RPN1: variants seen among roughly 807,000 people sequenced by gnomAD.
RPN1 encodes the protein dolichyl-diphosphooligosaccharide--protein glycosyltransferase subunit 1.
A neutral mutation model predicts 55.5 loss-of-function variants in RPN1; 12 were observed. That is an observed-to-expected ratio of 0.22 (90% CI 0.14 to 0.35). RPN1 has a LOEUF of 0.35. Ranked by LOEUF, RPN1 falls within the 10% of genes least tolerant of loss-of-function variation. The pLI, the probability that RPN1 is intolerant of heterozygous loss-of-function variation, is 1.00. For synonymous variants in RPN1, 317 were observed against 305.9 expected (o/e 1.04, Z -0.38); for missense variants, 679 against 761.3 (o/e 0.89, Z 1.27).
intron 3 of RPN1, among the ~76,000 whole-genome samples, chr3:128,633,272 C>A (rs2069654180): frequency 6.6e-6 from 1 of 151,274 alleles, no homozygotes; most frequent in Admixed American, 6.6e-5. Context: ...GTCACCCAGG[C>A]TGGAGTACAG....
At chr3:128,635,466 A>G (rs1285094342) in intron 3 of RPN1, among the ~76,000 whole-genome samples, 1 of 151,656 alleles carries the variant, frequency 6.6e-6, no homozygotes, top group Non-Finnish European at 1.5e-5. Context: ...ACACCCAGCT[A>G]ATTTTTGTAT....
chr3:128,631,216 G>A (rs1161306013), intron 4 of RPN1, among the ~76,000 whole-genome samples: 1 of 152,094 alleles, frequency 6.6e-6, no homozygotes, highest in Non-Finnish European at 1.5e-5. Flanking sequence ...GCTCATGCCT[G>A]TAATCCCAGC....
intron 1 of RPN1, among the ~76,000 whole-genome samples, chr3:128,645,319 A>G (rs961100118): frequency 8.5e-5 from 13 of 152,176 alleles, no homozygotes; most frequent in South Asian, 8.3e-4. Flanking sequence ...TAAAAATACA[A>G]ATTAGCTAGG....
At chr3:128,650,438 C>T in intron 1 of RPN1, 102 bp downstream of exon 1, 1 of 1,223,512 alleles carries the variant, frequency 8.2e-7, no homozygotes. Context: ...CGGGTCTCCG[C>T]ATTTCCTGAG....
intron 2 of RPN1, 123 bp from the exon 3 acceptor site, chr3:128,638,228 C>G: frequency 2.9e-6 from 2 of 689,198 alleles, no homozygotes; most frequent in Non-Finnish European, 4.8e-6. Context: ...AAGAGATCAC[C>G]TTTTCCTTTT....
chr3:128,641,609 CTTTTT>C (rs200507415), intron 2 of RPN1, among the ~76,000 whole-genome samples: 3 of 120,386 alleles, frequency 2.5e-5, no homozygotes, highest in African/African-American at 3.1e-5. Flanking sequence ...TTTAGTGAAT[CTTTTT>C]TTTTTTTTTT....
intron 1 of RPN1, among the ~76,000 whole-genome samples, chr3:128,647,385 A>C (rs2069776398): frequency 2.0e-5 from 3 of 152,216 alleles, no homozygotes; most frequent in African/African-American, 7.2e-5. Flanking sequence ...CTTTGACTAG[A>C]ATCTTATCAC....
At chr3:128,644,084 A>C (rs1441684549) in intron 2 of RPN1, among the ~76,000 whole-genome samples, 5 of 152,204 alleles carry the variant, frequency 3.3e-5, no homozygotes, top group African/African-American at 4.8e-5. Context: ...TAGGGGTGAG[A>C]TATCCAGGGG....
intron 2 of RPN1, 147 bp downstream of exon 2, chr3:128,644,772 A>C (rs2069754181): frequency 1.5e-6 from 1 of 649,126 alleles, no homozygotes; most frequent in Admixed American, 2.7e-5. Context: ...CAGCCTGGGC[A>C]ACATAGCTAG....
chr3:128,645,356 G>A (rs1424018407), intron 1 of RPN1, among the ~76,000 whole-genome samples: 1 of 152,014 alleles, frequency 6.6e-6, no homozygotes, highest in Non-Finnish European at 1.5e-5. Context: ...TGTAATCCCA[G>A]CTACTCGGGA....
chr3:128,650,477 G>T, intron 1 of RPN1, 63 bp downstream of exon 1: 4 of 1,455,776 alleles, frequency 2.7e-6, no homozygotes, highest in Non-Finnish European at 3.7e-6. Context: ...GGAGTCGGGG[G>T]ACCGCCAGGA....
At chr3:128,621,687 T>C (rs899728323) in intron 9 of RPN1, among the ~76,000 whole-genome samples, 9 of 152,176 alleles carry the variant, frequency 5.9e-5, no homozygotes, top group Non-Finnish European at 1.2e-4. Context: ...TTTGCATGCA[T>C]TAACTCATTT....
intron 1 of RPN1, among the ~76,000 whole-genome samples, chr3:128,645,839 T>A (rs1013624806): frequency 1.3e-5 from 2 of 151,844 alleles, no homozygotes; most frequent in African/African-American, 2.4e-5. Context: ...AATACACACA[T>A]ACACAAAAAG....
rs768440696 is a variant in RPN1, at chr3:128,637,964, A to C, written c.468T>G (p.Phe156Leu). The stretch of plus-strand genomic sequence containing the variant: ...GAGAGTAGAAATAATGGTTCCCCTC[A>C]AACACCACAAACTGTTTCTCTGACT... ...ITQSEKQFVVFEGNHYFYSPY... is the reference protein window; with the variant it reads ...ITQSEKQFVVLEGNHYFYSPY... Residue 156 changes from phenylalanine to leucine, a missense_variant, in exon 3 of 10, where the codon TTT (phenylalanine) becomes TTG (leucine). Physicochemically the swap from Phe to Leu is conservative, Grantham distance 22. Around this residue, in one of 3 missense-constraint regions of RPN1, gnomAD observed 352 missense variants for 352.8 expected, o/e 1.00. Coordinates refer to ENST00000296255, the MANE Select transcript of RPN1 (RefSeq NM_002950.4). 2.2e-5 allele frequency: 36 copies of C among 1,614,066 alleles called. No individual in the cohort carries two copies. Among genetic ancestry groups the C allele is most frequent in the Admixed American group, 3.3e-5 (2 of 59,996 alleles).
Position 128,632,278 on chromosome 3 carries a change from C to G in RPN1, c.634-121G>C, listed in dbSNP as rs1447789723. On this transcript the variant is annotated intron_variant, in intron 3 of 9. Transcript: ENST00000296255. ...ACAGAACGGGTAAATTATGATGTAT[C>G]TAACGTATGCAACATTTTAAAATTA... is the stretch of plus-strand genomic sequence containing the variant. 1.0e-5 allele frequency: 8 copies of G among 770,764 alleles called. No homozygotes were observed. The East Asian group carries it at 1.1e-4, about 10-fold the overall frequency. 47.7% of individuals were successfully genotyped at this position (770,764 alleles called of 1,614,324 possible).
chr3:128,636,495 AAAAG>A (rs2069683195), intron 3 of RPN1, among the ~76,000 whole-genome samples: 2 of 152,090 alleles, frequency 1.3e-5, no homozygotes, highest in Admixed American at 6.6e-5. Flanking sequence ...CAAAAAAAAA[AAAAG>A]AAACAATTAT....
chr3:128,631,748 A>G (rs2069643521), intron 4 of RPN1, among the ~76,000 whole-genome samples, 200 bp downstream of exon 4: 1 of 152,232 alleles, frequency 6.6e-6, no homozygotes, highest in South Asian at 2.1e-4. Flanking sequence ...TCTCAAAGAA[A>G]AAAAAGAAAA....
chr3:128,621,239 C>T (rs143968764), intron 9 of RPN1, among the ~76,000 whole-genome samples: 2 of 152,172 alleles, frequency 1.3e-5, no homozygotes, highest in East Asian at 1.9e-4. Context: ...GGGCCAGACA[C>T]GGTGGCTCAC....
intron 4 of RPN1, among the ~76,000 whole-genome samples, chr3:128,631,427 G>A (rs1241160766): frequency 4.0e-5 from 6 of 151,340 alleles, no homozygotes; most frequent in African/African-American, 7.3e-5. Context: ...GTGGCGAGCC[G>A]AGATCGCGCC....
Sources: allele counts gnomAD v4.1 joint callset (sites outside exome capture counted in the v4.1 genomes callset), GRCh38; gene constraint gnomAD v4.1.1; regional missense constraint gnomAD v4.1.1; transcripts MANE v1.5; gene names NCBI Gene and HGNC (gene_info 2026-07-23, HGNC 2026-07-21).